Variants in HPSE2 observed in about 807,000 individuals in gnomAD.
The protein encoded by HPSE2 is inactive heparanase-2.
A neutral mutation model predicts 60.5 loss-of-function variants in HPSE2; 38 were observed. The observed-to-expected ratio is 0.63, with a 90% confidence interval of 0.48 to 0.82. HPSE2 has a LOEUF of 0.82. Ranked by LOEUF, HPSE2 falls within the 40% of genes least tolerant of loss-of-function variation. HPSE2 has a pLI of 0.00. For synonymous variants in HPSE2, 295 were observed against 293.2 expected, an observed-to-expected ratio of 1.01 and a Z score of -0.06; for missense variants, 713 against 740.4, an observed-to-expected ratio of 0.96 and a Z score of 0.43.
At chr10:99,295,223 A>T in the HPSE2 span, among the ~76,000 whole-genome samples, 1 of 152,164 alleles carries the variant, frequency 6.6e-6, no homozygotes, top group Non-Finnish European at 1.5e-5. Context: ...TATATTCTCA[A>T]TTTTAAAATA....
intron 3 of HPSE2, among the ~76,000 whole-genome samples, chr10:98,852,112 G>GGTGTGT (rs1565210067): frequency 1.2e-5 from 1 of 82,760 alleles, no homozygotes; most frequent in East Asian, 4.3e-4. Context: ...TGTATATTAT[G>GGTGTGT]ATGTGTGTGT....
At chr10:99,109,235 A>C (rs1844365144) in intron 3 of HPSE2, among the ~76,000 whole-genome samples, 1 of 152,196 alleles carries the variant, frequency 6.6e-6, no homozygotes, top group African/African-American at 2.4e-5. Context: ...TCAAAATCCA[A>C]AGTTTAGATT....
chr10:99,121,544 T>TAAC (rs3044554), intron 3 of HPSE2, among the ~76,000 whole-genome samples: 77,102 of 151,464 alleles, frequency 0.51, 21,346 homozygotes, highest in East Asian at 0.65. Flanking sequence ...AAAATAAAAA[T>TAAC]AAAGAATGTA....
chr10:98,623,468 C>T (rs1946125416), intron 7 of HPSE2, among the ~76,000 whole-genome samples: 2 of 152,110 alleles, frequency 1.3e-5, no homozygotes, highest in East Asian at 1.9e-4. Flanking sequence ...GAATTTCATA[C>T]TTTCAAAGGG....
intron 5 of HPSE2, among the ~76,000 whole-genome samples, chr10:98,704,426 CA>C (rs202141251): frequency 0.24 from 35,705 of 150,958 alleles, 4,842 homozygotes; most frequent in African/African-American, 0.38. Context: ...TCATATGGAA[CA>C]AAAAAAAAAA....
chr10:98,984,561 T>G (rs1258820249), intron 3 of HPSE2, among the ~76,000 whole-genome samples: 2 of 152,014 alleles, frequency 1.3e-5, no homozygotes, highest in Non-Finnish European at 2.9e-5. Context: ...GCAGAAAAAC[T>G]GAAAATTCTA....
At chr10:99,029,485 T>A (rs915167987) in intron 3 of HPSE2, among the ~76,000 whole-genome samples, 1 of 152,096 alleles carries the variant, frequency 6.6e-6, no homozygotes. Context: ...ATTTATTGGA[T>A]ACAAAGCAAA....
intron 3 of HPSE2, among the ~76,000 whole-genome samples, chr10:99,007,911 C>T (rs976342496): frequency 2.0e-5 from 3 of 152,170 alleles, no homozygotes; most frequent in African/African-American, 7.2e-5. Flanking sequence ...CTGGCTAATG[C>T]TTTTTATGCT....
chr10:99,051,180 G>A (rs1437875164), intron 3 of HPSE2, among the ~76,000 whole-genome samples: 1 of 152,138 alleles, frequency 6.6e-6, no homozygotes, highest in African/African-American at 2.4e-5. Flanking sequence ...CTACTTGGGA[G>A]GCTGAGGCAG....
At chr10:98,867,383 G>A (rs1952615126) in intron 3 of HPSE2, among the ~76,000 whole-genome samples, 1 of 151,306 alleles carries the variant, frequency 6.6e-6, no homozygotes, top group Non-Finnish European at 1.5e-5. Flanking sequence ...ATGGCAAAAA[G>A]CATATGAAAA....
At chr10:99,040,775 T>C (rs1339273128) in intron 3 of HPSE2, among the ~76,000 whole-genome samples, 1 of 152,202 alleles carries the variant, frequency 6.6e-6, no homozygotes, top group African/African-American at 2.4e-5. Context: ...AAATAAAATC[T>C]AAATTTACAT....
chr10:98,768,382 C>G (rs929577194), intron 3 of HPSE2, among the ~76,000 whole-genome samples: 1 of 152,118 alleles, frequency 6.6e-6, no homozygotes, highest in African/African-American at 2.4e-5. Flanking sequence ...GCAGGAGACT[C>G]TTGCTTTTCA....
At chr10:98,525,366 C>T (rs2133785751) in intron 9 of HPSE2, among the ~76,000 whole-genome samples, 1 of 152,300 alleles carries the variant, frequency 6.6e-6, no homozygotes, top group South Asian at 2.1e-4. Context: ...TTAGTCCCCA[C>T]CCAAACAACT....
chr10:98,499,674 C>A (rs1264881220), intron 9 of HPSE2, among the ~76,000 whole-genome samples: 2 of 152,204 alleles, frequency 1.3e-5, no homozygotes, highest in African/African-American at 4.8e-5. Context: ...TACCTCACAT[C>A]TCAGTACTAA....
At chr10:99,056,293 G>A (rs1246283190) in intron 3 of HPSE2, among the ~76,000 whole-genome samples, 1 of 151,948 alleles carries the variant, frequency 6.6e-6, no homozygotes, top group Non-Finnish European at 1.5e-5. Context: ...ATACATATTA[G>A]AGAAACTAAA....
intron 6 of HPSE2, among the ~76,000 whole-genome samples, chr10:98,682,831 G>T (rs539858055): frequency 3.5e-4 from 53 of 152,244 alleles, no homozygotes; most frequent in Non-Finnish European, 5.0e-4. Context: ...AGACAAAAAA[G>T]TTGGGAAACC....
intron 9 of HPSE2, among the ~76,000 whole-genome samples, chr10:98,507,447 G>A (rs1591286767): frequency 6.6e-6 from 1 of 152,180 alleles, no homozygotes; most frequent in Non-Finnish European, 1.5e-5. Flanking sequence ...CCCAAAGAGA[G>A]AAGAGTTTAT....
At position 98,726,006 on chromosome 10, in the gene HPSE2, G is replaced by C. The variant is rs1375625887; in HGVS notation, c.785-4178C>G. Among the ~76,000 whole-genome samples the C allele has an allele frequency of 4.6e-5, 7 of 152,290 alleles. No homozygotes were observed. In the East Asian group the frequency reaches 1.4e-3, roughly 29 times the overall value. Reference sequence around the variant, plus strand: ...AACAACAGGTGCTGGAGAGGATGTGGAGAAATAGGAACACTTTTACACCAT... The same window carrying C: ...AACAACAGGTGCTGGAGAGGATGTGCAGAAATAGGAACACTTTTACACCAT... On this transcript the variant is annotated intron_variant, in intron 4 of 11. Transcript: ENST00000370552.
At chr10:98,777,435 G>A (rs1396661136) in intron 3 of HPSE2, among the ~76,000 whole-genome samples, 1 of 152,180 alleles carries the variant, frequency 6.6e-6, no homozygotes, top group East Asian at 1.9e-4. Context: ...GAGATACTTA[G>A]CTTCATTTTA....
Sources: allele counts gnomAD v4.1 joint callset (sites outside exome capture counted in the v4.1 genomes callset), GRCh38; gene constraint gnomAD v4.1.1; transcripts MANE v1.5; gene names NCBI Gene and HGNC (gene_info 2026-07-23, HGNC 2026-07-21).